Variants in OR3A2 observed in about 807,000 individuals in gnomAD.
OR3A2 encodes olfactory receptor 3A2.
For missense variants in OR3A2, 318 were observed against 392.8 expected, an observed-to-expected ratio of 0.81 and a Z score of 1.61; for synonymous variants, 126 against 159.3, an observed-to-expected ratio of 0.79 and a Z score of 1.57.
At chr17:3,372,227 G>A (rs1220440158) in intron 2 of OR3A2, among the ~76,000 whole-genome samples, 12 of 149,888 alleles carry the variant, frequency 8.0e-5, no homozygotes, top group African/African-American at 2.5e-4. Context: ...CAGACGATGG[G>A]CGGCCGGGCA....
At chr17:3,384,990 G>A (rs961164539) in intron 1 of OR3A2, among the ~76,000 whole-genome samples, 11 of 152,166 alleles carry the variant, frequency 7.2e-5, no homozygotes, top group African/African-American at 2.7e-4. Flanking sequence ...TCGGGAGTTC[G>A]AGACCAGCCT....
chr17:3,327,934 G>A (rs1481279236), intron 3 of OR3A2, among the ~76,000 whole-genome samples: 1 of 120,038 alleles, frequency 8.3e-6, no homozygotes, highest in Non-Finnish European at 1.7e-5. Context: ...TTTGGTACCA[G>A]TACCATGCTG....
chr17:3,343,591 T>C (rs1345946912), intron 2 of OR3A2, among the ~76,000 whole-genome samples: 1 of 152,024 alleles, frequency 6.6e-6, no homozygotes, highest in African/African-American at 2.4e-5. Flanking sequence ...CTTTCCACCT[T>C]TAAAAAGCAT....
At chr17:3,326,091 C>T (rs1438274235) in intron 3 of OR3A2, among the ~76,000 whole-genome samples, 1 of 152,082 alleles carries the variant, frequency 6.6e-6, no homozygotes, top group Non-Finnish European at 1.5e-5. Flanking sequence ...GCTTCCAGCT[C>T]CATCCATGTT....
intron 3 of OR3A2, among the ~76,000 whole-genome samples, chr17:3,325,726 A>G (rs1407091611): frequency 6.6e-6 from 1 of 152,094 alleles, no homozygotes; most frequent in Non-Finnish European, 1.5e-5. Context: ...GTTAAGATCA[A>G]GTGTAAAAAT....
At chr17:3,298,152 T>C (rs1481730231) in intron 3 of OR3A2, 1 of 152,122 alleles carries the variant, frequency 6.6e-6, no homozygotes, top group Admixed American at 6.6e-5. Context: ...TAAATAAGAA[T>C]AGGCTAGAAG....
intron 2 of OR3A2, among the ~76,000 whole-genome samples, chr17:3,349,742 C>G (rs996344584): frequency 1.3e-5 from 2 of 151,112 alleles, no homozygotes; most frequent in African/African-American, 4.9e-5. Flanking sequence ...TTTTTCAGCA[C>G]CACACCACAC....
intron 3 of OR3A2, among the ~76,000 whole-genome samples, chr17:3,335,621 AC>A (rs2150644726): frequency 6.6e-6 from 1 of 152,160 alleles, no homozygotes; most frequent in South Asian, 2.1e-4. Flanking sequence ...AATAACAATC[AC>A]CCCCACACAT....
At chr17:3,302,490 T>C (rs1042074433) in intron 3 of OR3A2, among the ~76,000 whole-genome samples, 2 of 152,140 alleles carry the variant, frequency 1.3e-5, no homozygotes, top group Non-Finnish European at 2.9e-5. Flanking sequence ...ACATTCCCTA[T>C]TTAATAAATG....
At chr17:3,346,820 C>T (rs2049367862) in intron 2 of OR3A2, among the ~76,000 whole-genome samples, 3 of 152,142 alleles carry the variant, frequency 2.0e-5, no homozygotes, top group Non-Finnish European at 4.4e-5. Flanking sequence ...GGCTTATTCA[C>T]TCAATATAAG....
At chr17:3,344,398 G>C (rs556806542) in intron 2 of OR3A2, among the ~76,000 whole-genome samples, 1 of 152,192 alleles carries the variant, frequency 6.6e-6, no homozygotes, top group South Asian at 2.1e-4. Flanking sequence ...ATAGCCTTGT[G>C]GTTGTAAGAC....
intron 2 of OR3A2, among the ~76,000 whole-genome samples, chr17:3,359,159 C>T (rs1567567094): frequency 6.6e-6 from 1 of 151,636 alleles, no homozygotes; most frequent in Non-Finnish European, 1.5e-5. Context: ...TATTTCAAAC[C>T]TATGAGTGTT....
At chr17:3,335,520 ATTATT>A (rs1365413686) in intron 3 of OR3A2, among the ~76,000 whole-genome samples, 2 of 152,166 alleles carry the variant, frequency 1.3e-5, no homozygotes, top group East Asian at 3.8e-4. Context: ...CATATATTAA[ATTATT>A]TTAAGTTTAA....
rs540962175 is a variant in OR3A2, at chr17:3,360,411, CTTTAG to C, written c.-179+23388_-179+23392del. On this transcript the variant is annotated intron_variant, in intron 2 of 4. Transcript: ENST00000573491. Reference sequence around the variant, plus strand: ...TAGTTTCTTTGGCTGTGCAGAAGCTCTTTAGTTTAATTAGATCCCAGTTGTCAATT... The same window carrying C: ...TAGTTTCTTTGGCTGTGCAGAAGCTCTTTAATTAGATCCCAGTTGTCAATT... Among the ~76,000 whole-genome samples, 821 of 151,786 alleles carry C rather than the reference CTTTAG, an allele frequency of 5.4e-3. 48 individuals are homozygous for C. The highest frequency in any genetic ancestry group is 0.019 in the African/African-American group (789 of 41,100).
At chr17:3,322,676 G>T in intron 3 of OR3A2, among the ~76,000 whole-genome samples, 1 of 152,192 alleles carries the variant, frequency 6.6e-6, no homozygotes, top group South Asian at 2.1e-4. Flanking sequence ...ATATGGTTGA[G>T]TGGTTTTGAG....
chr17:3,308,688 T>C lies in OR3A2; in HGVS notation c.-85+27345A>G, dbSNP rs560101387. ...TGAGTTTGAGGTAATGGTAAGAGCA[T>C]GTCCATGCAGAAAAGGCCATACTAT... is the stretch of plus-strand genomic sequence containing the variant. On this transcript the variant is annotated intron_variant, in intron 3 of 4. Transcript: ENST00000573491. Among the ~76,000 whole-genome samples the C allele has an allele frequency of 4.1e-4, 62 of 152,264 alleles. 3 individuals are homozygous for C. In the South Asian group the frequency reaches 0.012, roughly 31 times the overall value.
chr17:3,371,717 C>G (rs2049624950), intron 2 of OR3A2, among the ~76,000 whole-genome samples: 1 of 144,066 alleles, frequency 6.9e-6, no homozygotes, highest in South Asian at 2.2e-4. Context: ...CACCTCCCTC[C>G]CGGACGGGGC....
Position 3,289,910 on chromosome 17 carries a change from C to T in OR3A2, c.-84-10757G>A, listed in dbSNP as rs151225409. Among the ~76,000 whole-genome samples, 312 of 152,134 alleles carry T rather than the reference C, an allele frequency of 2.1e-3. 1 individual carries two copies. Among genetic ancestry groups the T allele is most frequent in the Middle Eastern group, 0.017 (5 of 294 alleles). On this transcript the variant is annotated intron_variant, in intron 3 of 4. Coordinates refer to the OR3A2 transcript ENST00000573491. ...ATCTTTTTCCTGTGTCTATTGACGC[C>T]GTCAGCCAGCATGACTCAAAAGGTA...
intron 3 of OR3A2, chr17:3,310,568 C>A: frequency 1.9e-6 from 1 of 536,614 alleles, no homozygotes; most frequent in South Asian, 1.4e-5. Context: ...CCATGCTGAG[C>A]CATTTCATAT....
Sources: allele counts gnomAD v4.1 joint callset (sites outside exome capture counted in the v4.1 genomes callset), GRCh38; gene constraint gnomAD v4.1.1; transcripts MANE v1.5; gene names NCBI Gene and HGNC (gene_info 2026-07-23, HGNC 2026-07-21).